Variants in INPP5K observed in about 807,000 individuals in gnomAD.
INPP5K encodes inositol polyphosphate-5-phosphatase K.
Under a neutral mutation model 53.5 loss-of-function variants are expected in INPP5K, and 35 were observed. That is an observed-to-expected ratio of 0.65 (90% confidence interval 0.50 to 0.87). The LOEUF (loss-of-function observed/expected upper bound fraction) is 0.87, where lower values mean the gene tolerates loss of function less well. Among genes scored for constraint, INPP5K ranks in the 40% least tolerant of loss-of-function variants. INPP5K has a pLI of 0.00. For synonymous variants in INPP5K, 253 were observed against 232.8 expected (o/e 1.09, Z -0.79); for missense variants, 550 against 586.2 (o/e 0.94, Z 0.64).
chr17:1,506,518 G>T (rs2075158830), intron 7 of INPP5K, among the ~76,000 whole-genome samples: 2 of 152,174 alleles, frequency 1.3e-5, no homozygotes, highest in Non-Finnish European at 2.9e-5. Context: ...TCTCTACACT[G>T]ATCCTGATGA....
At position 1,496,125 on chromosome 17, in the gene INPP5K, C is replaced by CA. The variant is rs772218848; in HGVS notation, c.1224dup (p.Glu409Ter). 10 of 1,613,620 alleles carry CA rather than the reference C, an allele frequency of 6.2e-6. No individual in the cohort carries two copies. Among genetic ancestry groups the CA allele is most frequent in the Non-Finnish European group, 8.5e-6 (10 of 1,179,576 alleles). Reference sequence around the variant, plus strand: ...TTGCTGTAGTAACAGAGGAGAAACTCATCTTCAGTGGTAGGGATATTGCTG... The same window carrying CA: ...TTGCTGTAGTAACAGAGGAGAAACTCAATCTTCAGTGGTAGGGATATTGCTG... On this transcript the variant is annotated frameshift_variant, in exon 11 of 12. Transcript: ENST00000421807. LOFTEE classifies it high-confidence loss of function.
rs1250143411 is a variant in INPP5K, at chr17:1,496,288, G to C, written c.1185+31C>G. 5 of 1,542,136 alleles carry C rather than the reference G, an allele frequency of 3.2e-6. No individual in the cohort carries two copies. The Admixed American group carries it at 9.7e-5, about 30-fold the overall frequency. On this transcript the variant is annotated intron_variant, in intron 10 of 11. Coordinates refer to ENST00000421807, the MANE Select transcript of INPP5K (RefSeq NM_016532.4). Reference sequence around the variant, plus strand: ...CAGGAGTGCTGAGGCAGGCCTGCCTGCTGGTGATGTACCTGGTGCTGGTGA... The same window carrying C: ...CAGGAGTGCTGAGGCAGGCCTGCCTCCTGGTGATGTACCTGGTGCTGGTGA...
chr17:1,512,807 C>T (rs1477608854), intron 3 of INPP5K, among the ~76,000 whole-genome samples: 11 of 152,160 alleles, frequency 7.2e-5, no homozygotes, highest in Admixed American at 5.9e-4. Context: ...CTGAAGTGCA[C>T]GTCCCGTATG....
Position 1,509,776 on chromosome 17 carries a change from C to T in INPP5K, c.285G>A (p.Gly95=), listed in dbSNP as rs752690819. ...ACTTGGCAAAGACCAGTAAGAGGAT[C>T]CCCTGCATACGGACATGGGAGACCT... ...FIKVSHVRMQ[G]ILLLVFAKYQ... The change falls in exon 4 of 12, where the codon GGG becomes GGA. Residue 95 remains glycine (G), a synonymous_variant. Transcript: ENST00000421807. 6.2e-7 allele frequency: 1 copy of T among 1,612,838 alleles called. No individual in the cohort carries two copies. Among genetic ancestry groups the T allele is most frequent in the Non-Finnish European group, 8.5e-7 (1 of 1,179,096 alleles).
At chr17:1,502,884 T>C (rs1362959249) in intron 7 of INPP5K, among the ~76,000 whole-genome samples, 1 of 151,220 alleles carries the variant, frequency 6.6e-6, no homozygotes, top group African/African-American at 2.4e-5. Context: ...GTACACACCA[T>C]GCCCAGCTGT....
At chr17:1,515,942 ACGATT>A in intron 1 of INPP5K, 1 of 988,048 alleles carries the variant, frequency 1.0e-6, no homozygotes, top group Non-Finnish European at 1.2e-6. Context: ...CTCAAATCCG[ACGATT>A]AGCAGCAAAT....
At chr17:1,516,239 T>A (rs2075432941) in intron 1 of INPP5K, 1 of 858,886 alleles carries the variant, frequency 1.2e-6, no homozygotes, top group South Asian at 2.0e-5. Context: ...GGACACCTGC[T>A]GCGCCCCAGT....
rs1196682900 is a variant in INPP5K at position 1,500,301 on chromosome 17, C to T, written c.777-2179G>A. Among the ~76,000 whole-genome samples, 3 of 152,358 alleles carry T rather than the reference C, an allele frequency of 2.0e-5. No homozygotes were observed. The East Asian group carries it at 5.8e-4, about 29-fold the overall frequency. On this transcript the variant is annotated intron_variant, in intron 7 of 11. Coordinates refer to ENST00000421807, the MANE Select transcript of INPP5K (RefSeq NM_016532.4). ...CTTTTGCAGTATTTGCTGCCTGGAA[C>T]ACCTTTCTTCACCAGGGAGAGGCCT...
At chr17:1,500,958 CTTTT>C (rs546504445) in intron 7 of INPP5K, among the ~76,000 whole-genome samples, 8 of 135,304 alleles carry the variant, frequency 5.9e-5, no homozygotes, top group African/African-American at 8.2e-5. Flanking sequence ...TATTCAACTG[CTTTT>C]TTTTTTTTTT....
chr17:1,506,517 T>C (rs2075158767), intron 7 of INPP5K, among the ~76,000 whole-genome samples: 1 of 152,196 alleles, frequency 6.6e-6, no homozygotes, highest in African/African-American at 2.4e-5. Flanking sequence ...ATCTCTACAC[T>C]GATCCTGATG....
chr17:1,515,360 A>C, intron 1 of INPP5K: 1 of 911,152 alleles, frequency 1.1e-6, no homozygotes, highest in Non-Finnish European at 1.3e-6. Context: ...TTAGGGAAGC[A>C]AGAAAACTAG....
At chr17:1,512,288 G>A (rs1049844342) in intron 3 of INPP5K, among the ~76,000 whole-genome samples, 1 of 152,152 alleles carries the variant, frequency 6.6e-6, no homozygotes, top group African/African-American at 2.4e-5. Flanking sequence ...TCTTGGGAAG[G>A]GAGTGGCGGG....
At chr17:1,502,227 T>C (rs1402116400) in intron 7 of INPP5K, among the ~76,000 whole-genome samples, 1 of 152,026 alleles carries the variant, frequency 6.6e-6, no homozygotes, top group Non-Finnish European at 1.5e-5. Context: ...CGGGCGCCTG[T>C]AGTCCCAGCT....
chr17:1,505,251 T>A (rs1333061466), intron 7 of INPP5K, among the ~76,000 whole-genome samples: 8 of 152,124 alleles, frequency 5.3e-5, no homozygotes, highest in Non-Finnish European at 1.0e-4. Flanking sequence ...TCAGCTTTCC[T>A]GAGTAGCTGG....
chr17:1,503,585 G>T (rs1038143959), intron 7 of INPP5K, among the ~76,000 whole-genome samples: 2 of 151,986 alleles, frequency 1.3e-5, no homozygotes, highest in African/African-American at 4.8e-5. Flanking sequence ...GCATGGTGGC[G>T]GGTGCCTGTA....
intron 7 of INPP5K, among the ~76,000 whole-genome samples, chr17:1,503,185 C>CTT (rs748921781): frequency 5.2e-5 from 7 of 135,644 alleles, no homozygotes; most frequent in African/African-American, 8.2e-5. Context: ...CACGCCTGGC[C>CTT]TTTTTTTTTT....
chr17:1,497,959 C>T lies in INPP5K; in HGVS notation c.940G>A (p.Val314Ile). 6.2e-7 allele frequency: 1 copy of T among 1,613,748 alleles called. No individual in the cohort carries two copies. ...ACCTCCAAGTCGAACGTGCCGGAGACAGGCTTGTGGTCGCTGATGCCGTAC... is the reference window on the plus strand; with the variant it reads ...ACCTCCAAGTCGAACGTGCCGGAGATAGGCTTGTGGTCGCTGATGCCGTAC... Reference protein sequence around the residue: ...MTYGISDHKPVSGTFDLELKP... With the variant: ...MTYGISDHKPISGTFDLELKP... Residue 314 changes from valine to isoleucine, a missense_variant, in exon 8 of 12, where the codon GTC becomes ATC. Val to Ile is a conservative substitution (Grantham distance 29). Transcript: ENST00000421807.
intron 7 of INPP5K, among the ~76,000 whole-genome samples, chr17:1,503,386 G>A (rs1020402911): frequency 5.3e-5 from 8 of 151,828 alleles, no homozygotes; most frequent in East Asian, 1.9e-4. Context: ...GGGTTTCACC[G>A]TGTTCACCAG....
chr17:1,505,807 T>A (rs2075140649), intron 7 of INPP5K, among the ~76,000 whole-genome samples: 1 of 152,120 alleles, frequency 6.6e-6, no homozygotes, highest in South Asian at 2.1e-4. Flanking sequence ...ACACTCCAGC[T>A]AGGAGGAATG....
Sources: gnomAD v4.1 joint callset for allele counts (sites outside exome capture counted in the v4.1 genomes callset) on GRCh38, gnomAD v4.1.1 for gene constraint, MANE v1.5 for transcripts, NCBI Gene and HGNC (gene_info 2026-07-23, HGNC 2026-07-21) for gene names.